CYP7B1: variants seen among roughly 807,000 people sequenced by gnomAD.
CYP7B1 encodes cytochrome P450 family 7 subfamily B member 1, also known as cytochrome P450 7B1.
CYP7B1 carries 29 observed loss-of-function variants against 42.7 expected under a neutral mutation model. The observed-to-expected ratio is 0.68, with a 90% confidence interval of 0.51 to 0.93. The LOEUF is 0.93. CYP7B1 is among the 40% of genes least tolerant of loss of function. The probability of loss-of-function intolerance (pLI) is 0.00; values close to 1 mark genes in which losing one functional copy is unlikely to be tolerated. For missense variants in CYP7B1, 655 were observed against 600.5 expected, an observed-to-expected ratio of 1.09 and a Z score of -0.95; for synonymous variants, 235 against 218.2, an observed-to-expected ratio of 1.08 and a Z score of -0.68.
intron 1 of CYP7B1, among the ~76,000 whole-genome samples, chr8:64,658,623 A>AT (rs1806156576): frequency 6.6e-6 from 1 of 152,092 alleles, no homozygotes; most frequent in Non-Finnish European, 1.5e-5. Flanking sequence ...CTGTGAAGTT[A>AT]TTTTTTGTGG....
chr8:64,669,212 C>A (rs1303144751), intron 1 of CYP7B1, among the ~76,000 whole-genome samples: 1 of 151,960 alleles, frequency 6.6e-6, no homozygotes, highest in African/African-American at 2.4e-5. Context: ...TGGCATGGGG[C>A]AAATGGGAAT....
chr8:64,657,437 C>T (rs1035304054), intron 1 of CYP7B1, among the ~76,000 whole-genome samples: 1 of 152,170 alleles, frequency 6.6e-6, no homozygotes, highest in Non-Finnish European at 1.5e-5. Flanking sequence ...TTGATGTTCT[C>T]CCGACATTCT....
intron 1 of CYP7B1, among the ~76,000 whole-genome samples, chr8:64,682,610 T>A (rs1806555955): frequency 6.6e-6 from 1 of 152,238 alleles, no homozygotes; most frequent in East Asian, 1.9e-4. Flanking sequence ...TCAGTTCCTC[T>A]GTCTGTGTTC....
chr8:64,589,390 A>T (rs1008882178), downstream of CYP7B1, among the ~76,000 whole-genome samples: 5 of 152,202 alleles, frequency 3.3e-5, no homozygotes. Flanking sequence ...AGTTTTTTTT[A>T]AATGTGTAAT....
In CYP7B1 at chr8:64,594,554, G is replaced by A. The variant is rs187794305; in HGVS notation, c.*2088C>T. Among the ~76,000 whole-genome samples the A allele has an allele frequency of 3.5e-4, 53 of 152,198 alleles. No individual in the cohort carries two copies. The highest frequency in any genetic ancestry group is 1.2e-3 in the African/African-American group (50 of 41,524). ...AAGGGGTATGAAAGTGGGTATTAGGGACAAAACAGAATAAGTAAATAAAGC... is the reference window on the plus strand; with the variant it reads ...AAGGGGTATGAAAGTGGGTATTAGGAACAAAACAGAATAAGTAAATAAAGC... On this transcript the variant is annotated 3_prime_UTR_variant, in exon 6 of 6. Coordinates refer to ENST00000310193, the MANE Select transcript of CYP7B1 (RefSeq NM_004820.5).
chr8:64,623,348 T>C (rs1461663156), intron 2 of CYP7B1, among the ~76,000 whole-genome samples: 1 of 152,180 alleles, frequency 6.6e-6, no homozygotes. Context: ...CTTGAGACAC[T>C]AACTGCCATG....
chr8:64,601,653 A>G (rs1805206123), intron 5 of CYP7B1, among the ~76,000 whole-genome samples: 1 of 152,214 alleles, frequency 6.6e-6, no homozygotes, highest in Admixed American at 6.5e-5. Context: ...AGGCTCAATT[A>G]AGTTCCCAAA....
chr8:64,698,964 C>T (rs186310751), intron 1 of CYP7B1, among the ~76,000 whole-genome samples: 226 of 152,162 alleles, frequency 1.5e-3, no homozygotes, highest in Non-Finnish European at 1.6e-3. Context: ...AGCCAGATGC[C>T]CTCTAATCAT....
intron 1 of CYP7B1, among the ~76,000 whole-genome samples, chr8:64,779,939 A>C (rs1467947614): frequency 1.3e-5 from 2 of 152,160 alleles, no homozygotes; most frequent in African/African-American, 4.8e-5. Context: ...AAAGTCCAGT[A>C]CCTAAACCTA....
intron 1 of CYP7B1, among the ~76,000 whole-genome samples, chr8:64,626,831 A>C (rs1253914650): frequency 6.6e-6 from 1 of 152,246 alleles, no homozygotes; most frequent in Non-Finnish European, 1.5e-5. Flanking sequence ...CTTGTGCTAC[A>C]TGCAGTGCAA....
chr8:64,661,725 G>T (rs1806202051), intron 1 of CYP7B1, among the ~76,000 whole-genome samples: 1 of 152,120 alleles, frequency 6.6e-6, no homozygotes, highest in African/African-American at 2.4e-5. Context: ...TTCCAGTTTT[G>T]CTGAACCCAC....
chr8:64,755,375 T>C (rs1419098610), intron 1 of CYP7B1, among the ~76,000 whole-genome samples: 1 of 152,200 alleles, frequency 6.6e-6, no homozygotes, highest in Non-Finnish European at 1.5e-5. Flanking sequence ...GTCTGTCTGG[T>C]TTCTTTTCCT....
Position 64,593,411 on chromosome 8 carries a change from C to T in CYP7B1, c.*3231G>A, listed in dbSNP as rs1046701580. On this transcript the variant is annotated 3_prime_UTR_variant, in exon 6 of 6. Coordinates refer to ENST00000310193, the MANE Select transcript of CYP7B1 (RefSeq NM_004820.5). Reference sequence around the variant, plus strand: ...TATTTGCCTATCTCAGTCTTAGCTCCGGGTAAAAATAAACAAAAAAATGAA... The same window carrying T: ...TATTTGCCTATCTCAGTCTTAGCTCTGGGTAAAAATAAACAAAAAAATGAA... Among the ~76,000 whole-genome samples the T allele has an allele frequency of 1.2e-4, 19 of 152,028 alleles. No individual in the cohort carries two copies. The highest frequency in any genetic ancestry group is 7.9e-4 in the Admixed American group (12 of 15,268).
At chr8:64,797,237 T>C (rs933706002) in intron 1 of CYP7B1, among the ~76,000 whole-genome samples, 1 of 152,190 alleles carries the variant, frequency 6.6e-6, no homozygotes, top group African/African-American at 2.4e-5. Context: ...ACTGCCCTAG[T>C]CAGCTTGTCT....
At chr8:64,754,130 C>A (rs1019875735) in intron 1 of CYP7B1, among the ~76,000 whole-genome samples, 1 of 152,198 alleles carries the variant, frequency 6.6e-6, no homozygotes, top group Non-Finnish European at 1.5e-5. Flanking sequence ...GGTGCCTGTA[C>A]ACAGAGGGGA....
chr8:64,717,404 A>C (rs917118679), intron 1 of CYP7B1, among the ~76,000 whole-genome samples: 1 of 152,204 alleles, frequency 6.6e-6, no homozygotes. Context: ...TTTACCATTC[A>C]TGAGTGCCAT....
intron 1 of CYP7B1, among the ~76,000 whole-genome samples, chr8:64,694,290 G>T (rs1806790954): frequency 6.6e-6 from 1 of 152,180 alleles, no homozygotes; most frequent in African/African-American, 2.4e-5. Context: ...TCAAACATTT[G>T]AAACCTTATT....
At chr8:64,755,731 C>A (rs1585896504) in intron 1 of CYP7B1, among the ~76,000 whole-genome samples, 1 of 152,094 alleles carries the variant, frequency 6.6e-6, no homozygotes, top group East Asian at 1.9e-4. Context: ...GGTATTTATA[C>A]AACAAGAGGG....
intron 4 of CYP7B1, among the ~76,000 whole-genome samples, chr8:64,607,615 T>C (rs1042889517): frequency 1.3e-5 from 2 of 152,110 alleles, no homozygotes. Flanking sequence ...TGAGTTAAAA[T>C]GAAAAGTCTT....
Sources: allele counts gnomAD v4.1 joint callset (sites outside exome capture counted in the v4.1 genomes callset), GRCh38; gene constraint gnomAD v4.1.1; transcripts MANE v1.5; gene names NCBI Gene and HGNC (gene_info 2026-07-23, HGNC 2026-07-21).